NDC1: variants seen among roughly 807,000 people sequenced by gnomAD.
NDC1 encodes the protein NDC1 transmembrane nucleoporin.
Under a neutral mutation model 89.8 loss-of-function variants are expected in NDC1, and 24 were observed. The observed-to-expected ratio is 0.27, with a 90% CI of 0.19 to 0.38. NDC1 has a LOEUF of 0.38. NDC1 is among the 10% of genes least tolerant of loss of function. The pLI is 1.00. For synonymous variants in NDC1, 296 were observed against 284.8 expected, an observed-to-expected ratio of 1.04 and a Z score of -0.39; for missense variants, 728 against 797.6, an observed-to-expected ratio of 0.91 and a Z score of 1.05.
rs139698623 is a variant in NDC1 at position 53,818,699 on chromosome 1, G to A, written c.703+272C>T. Among the ~76,000 whole-genome samples, 645 of 152,242 alleles carry A rather than the reference G, an allele frequency of 4.2e-3. 2 individuals carry two copies. Among genetic ancestry groups the A allele is most frequent in the Middle Eastern group, 0.014 (4 of 294 alleles). Reference sequence around the variant, plus strand: ...TTGTGACTGGCTTATTTCACTTAGCGTAATGTCCTCAAGGTTTATTCAAGC... The same window carrying A: ...TTGTGACTGGCTTATTTCACTTAGCATAATGTCCTCAAGGTTTATTCAAGC... On this transcript the variant is annotated intron_variant, in intron 6 of 17. Transcript: ENST00000371429.
chr1:53,829,254 T>C (rs1438386883), intron 3 of NDC1, among the ~76,000 whole-genome samples: 1 of 152,184 alleles, frequency 6.6e-6, no homozygotes, highest in Non-Finnish European at 1.5e-5. Context: ...AGGTGCTTTA[T>C]ACTTTGAGGA....
At chr1:53,806,657 C>T (rs1181145) in intron 8 of NDC1, 140 bp from the exon 9 acceptor site, 33,324 of 425,476 alleles carry the variant, frequency 0.078, 3,410 homozygotes, top group African/African-American at 0.34. Context: ...GTTAAAGTTA[C>T]ATAAACCCAA....
intron 14 of NDC1, among the ~76,000 whole-genome samples, chr1:53,791,524 T>C (rs1192944415): frequency 6.6e-6 from 1 of 152,192 alleles, no homozygotes; most frequent in African/African-American, 2.4e-5. Flanking sequence ...TTCTTTAACG[T>C]ACCACCATGG....
At chr1:53,800,337 T>C (rs1647863961) in intron 11 of NDC1, among the ~76,000 whole-genome samples, 1 of 138,416 alleles carries the variant, frequency 7.2e-6, no homozygotes, top group South Asian at 2.5e-4. Context: ...GTCATCTTTT[T>C]TTTTTTTTTT....
Position 53,832,575 on chromosome 1 carries a change from C to A in NDC1, c.195G>T (p.Leu65=). 1.3e-6 allele frequency: 2 copies of A among 1,570,790 alleles called. No homozygotes were observed. The highest frequency in any genetic ancestry group is 1.8e-6 in the Non-Finnish European group (2 of 1,141,744). ...IQWLSDSFSD[L]YSSYVIFYFL... ...AGTAAAAGATTACATAGGAACTATACAGGTCACTGAAAGAATCTAAAACAC... is the reference window on the plus strand; with the variant it reads ...AGTAAAAGATTACATAGGAACTATAAAGGTCACTGAAAGAATCTAAAACAC... The change falls in exon 3 of 18, where the codon CTG becomes CTT. Residue 65 remains leucine (L), a synonymous_variant. Transcript: ENST00000371429.
chr1:53,815,687 G>A (rs1325313016), intron 6 of NDC1, among the ~76,000 whole-genome samples: 4 of 152,088 alleles, frequency 2.6e-5, no homozygotes, highest in East Asian at 1.9e-4. Context: ...TGATATGATC[G>A]TTTACCTTAA....
At chr1:53,771,227 A>G (rs1265219638) in intron 17 of NDC1, 2 of 152,346 alleles carry the variant, frequency 1.3e-5, no homozygotes, top group African/African-American at 4.8e-5. Flanking sequence ...GTATTTTCTG[A>G]ATGTGTCCTA....
At chr1:53,825,663 A>G (rs1448262764) in intron 5 of NDC1, 135 bp downstream of exon 5, 2 of 731,802 alleles carry the variant, frequency 2.7e-6, no homozygotes, top group Non-Finnish European at 4.3e-6. Context: ...GCTAAATGGC[A>G]TTTTGAGGAT....
intron 14 of NDC1, among the ~76,000 whole-genome samples, chr1:53,790,616 A>G (rs917991658): frequency 6.6e-6 from 1 of 151,636 alleles, no homozygotes; most frequent in African/African-American, 2.4e-5. Context: ...CTGCAGTGGG[A>G]GAATCGCTTG....
chr1:53,835,384 T>C lies in NDC1; in HGVS notation c.178+116A>G, dbSNP rs956838735. On this transcript the variant is annotated intron_variant, in intron 2 of 17. Coordinates refer to ENST00000371429, the MANE Select transcript of NDC1 (RefSeq NM_018087.5). The stretch of plus-strand genomic sequence containing the variant: ...TTAAAATTATCTCAAAGTGAATGTT[T>C]TGATGTGTCAATATAACATAGGCAG... 1.0e-4 allele frequency: 68 copies of C among 682,034 alleles called. No individual in the cohort carries two copies. The African/African-American group carries it at 1.2e-3, about 12-fold the overall frequency. The allele number at this position is 682,034 out of a possible 1,614,324, so 42.2% of individuals were successfully genotyped here. A position where few individuals can be genotyped will look rare whatever the true frequency, so the allele number is the denominator to read the frequency against.
At chr1:53,800,577 G>A (rs1354082225) in intron 11 of NDC1, 116 bp downstream of exon 11, 15 of 1,058,494 alleles carry the variant, frequency 1.4e-5, no homozygotes, top group East Asian at 4.9e-5. Context: ...CGCCCACCTC[G>A]GCCTCCCAAA....
chr1:53,809,454 C>T (rs916843627), intron 7 of NDC1, among the ~76,000 whole-genome samples: 6 of 152,084 alleles, frequency 3.9e-5, no homozygotes, highest in Admixed American at 6.6e-5. Context: ...TGGGCTCAAG[C>T]GATCCTCCTG....
At chr1:53,811,001 C>T (rs889422157) in intron 6 of NDC1, among the ~76,000 whole-genome samples, 1 of 152,194 alleles carries the variant, frequency 6.6e-6, no homozygotes, top group Non-Finnish European at 1.5e-5. Flanking sequence ...TGAACACACA[C>T]CCCCACTGGA....
At chr1:53,799,326 G>C (rs550633819) in intron 11 of NDC1, among the ~76,000 whole-genome samples, 117 of 152,242 alleles carry the variant, frequency 7.7e-4, no homozygotes, top group African/African-American at 2.7e-3. Context: ...CACATTGTTT[G>C]GTATGCAGTA....
chr1:53,774,993 C>A (rs1285105579), intron 16 of NDC1, among the ~76,000 whole-genome samples: 1 of 152,198 alleles, frequency 6.6e-6, no homozygotes, highest in African/African-American at 2.4e-5. Flanking sequence ...AAGGTATACA[C>A]ACCTGAAATA....
At chr1:53,821,315 G>A (rs1648662761) in intron 5 of NDC1, among the ~76,000 whole-genome samples, 2 of 152,044 alleles carry the variant, frequency 1.3e-5, no homozygotes, top group South Asian at 2.1e-4. Flanking sequence ...ACGGTGGCAG[G>A]CGCCTGCAAT....
At chr1:53,812,471 G>A (rs1648342305) in intron 6 of NDC1, among the ~76,000 whole-genome samples, 1 of 152,152 alleles carries the variant, frequency 6.6e-6, no homozygotes, top group African/African-American at 2.4e-5. Flanking sequence ...GAAATGCTCT[G>A]GAAAGTCTCA....
chr1:53,779,594 A>G (rs1647188057), intron 16 of NDC1, among the ~76,000 whole-genome samples: 1 of 152,108 alleles, frequency 6.6e-6, no homozygotes, highest in South Asian at 2.1e-4. Flanking sequence ...AGCTCTCCCA[A>G]AGGTAATCTA....
intron 9 of NDC1, 127 bp from the exon 10 acceptor site, chr1:53,804,136 C>T: frequency 1.4e-6 from 1 of 694,548 alleles, no homozygotes; most frequent in South Asian, 2.0e-5. Flanking sequence ...AAAAAAATCT[C>T]AGAACCATAA....
Sources: gnomAD v4.1 joint callset for allele counts (sites outside exome capture counted in the v4.1 genomes callset) on GRCh38, gnomAD v4.1.1 for gene constraint, MANE v1.5 for transcripts, NCBI Gene and HGNC (gene_info 2026-07-23, HGNC 2026-07-21) for gene names.